The following RTN1 variants were observed in gnomAD, a reference collection of about 807,000 sequenced individuals.
RTN1 encodes reticulon 1.
Under a neutral mutation model 65.5 loss-of-function variants are expected in RTN1, and 25 were observed. That is an observed-to-expected ratio of 0.38 (90% CI 0.28 to 0.53). The LOEUF (loss-of-function observed/expected upper bound fraction) is 0.53. Among genes scored for constraint, RTN1 ranks in the 20% least tolerant of loss-of-function variants. The probability of loss-of-function intolerance (pLI) is 0.79; values close to 1 mark genes in which losing one functional copy is unlikely to be tolerated. For missense variants in RTN1, 983 were observed against 1,025.4 expected (o/e 0.96, Z 0.57); for synonymous variants, 471 against 447.6 (o/e 1.05, Z -0.66).
intron 2 of RTN1, among the ~76,000 whole-genome samples, chr14:59,741,830 T>G (rs985067980): frequency 6.6e-6 from 1 of 152,218 alleles, no homozygotes; most frequent in African/African-American, 2.4e-5. Context: ...AGCTTCTCTC[T>G]GAACTGTGGG....
chr14:59,731,698 TG>T (rs1260446560), intron 2 of RTN1, among the ~76,000 whole-genome samples: 3 of 152,224 alleles, frequency 2.0e-5, no homozygotes, highest in Non-Finnish European at 4.4e-5. Flanking sequence ...CAATCGTTTT[TG>T]AGTTCTCATC....
chr14:59,601,866 T>C (rs1881589520), intron 8 of RTN1, among the ~76,000 whole-genome samples: 1 of 152,188 alleles, frequency 6.6e-6, no homozygotes. Context: ...CCAAGTCTCA[T>C]ACTGTGCTAT....
At chr14:59,669,939 A>AT (rs986795558) in intron 3 of RTN1, among the ~76,000 whole-genome samples, 3 of 152,050 alleles carry the variant, frequency 2.0e-5, no homozygotes, top group Non-Finnish European at 4.4e-5. Flanking sequence ...TTCTGTCTCC[A>AT]TTTTTTTGCT....
chr14:59,749,414 A>C (rs1249596058), intron 1 of RTN1, among the ~76,000 whole-genome samples: 1 of 38,716 alleles, frequency 2.6e-5, no homozygotes, highest in Non-Finnish European at 3.9e-5. Context: ...CTATATCTAT[A>C]TATATCTATA....
At chr14:59,788,026 C>T (rs1441254703) in intron 1 of RTN1, among the ~76,000 whole-genome samples, 5 of 152,128 alleles carry the variant, frequency 3.3e-5, no homozygotes, top group African/African-American at 4.8e-5. Flanking sequence ...CATCTTTGAG[C>T]TCTTCACATT....
intron 5 of RTN1, 108 bp downstream of exon 5, chr14:59,605,260 A>T (rs1385682828): frequency 2.5e-6 from 3 of 1,202,720 alleles, no homozygotes; most frequent in Non-Finnish European, 3.5e-6. Context: ...ACTCTAGAAT[A>T]TAATTAGCAC....
At chr14:59,699,023 A>G (rs958556205) in intron 3 of RTN1, among the ~76,000 whole-genome samples, 5 of 152,150 alleles carry the variant, frequency 3.3e-5, no homozygotes, top group Non-Finnish European at 5.9e-5. Flanking sequence ...GCAAGAGGAA[A>G]CCCATTTGAA....
At chr14:59,863,949 G>C (rs1442747985) in intron 1 of RTN1, among the ~76,000 whole-genome samples, 2 of 151,716 alleles carry the variant, frequency 1.3e-5, no homozygotes, top group Non-Finnish European at 2.9e-5. Flanking sequence ...CTGTTACTCT[G>C]GTGCAAGCCA....
chr14:59,658,675 G>C (rs979784683), intron 3 of RTN1, among the ~76,000 whole-genome samples: 1 of 152,130 alleles, frequency 6.6e-6, no homozygotes, highest in Non-Finnish European at 1.5e-5. Context: ...AAACAGAAAA[G>C]TATAGCATCA....
chr14:59,760,415 T>G (rs1885725684), intron 1 of RTN1, among the ~76,000 whole-genome samples: 1 of 152,140 alleles, frequency 6.6e-6, no homozygotes, highest in African/African-American at 2.4e-5. Context: ...AGACCAGAAG[T>G]GGAAGGGAGA....
Position 59,723,979 on chromosome 14 carries a change from A to C in RTN1, c.1765+2940T>G, listed in dbSNP as rs79822317. Among the ~76,000 whole-genome samples, 343 of 152,366 alleles carry C rather than the reference A, an allele frequency of 2.3e-3. 8 individuals are homozygous for C. In the East Asian group the frequency reaches 0.036, roughly 16 times the overall value. ...TATCACATAACTATCCTGATTAATC[A>C]CACTGGGTATTAGTGCTTTTATGAA... On this transcript the variant is annotated intron_variant, in intron 3 of 8. Transcript: ENST00000267484.
intron 3 of RTN1, among the ~76,000 whole-genome samples, chr14:59,638,460 C>T (rs1403143528): frequency 6.6e-6 from 1 of 152,150 alleles, no homozygotes; most frequent in Non-Finnish European, 1.5e-5. Flanking sequence ...GTAGATTTAA[C>T]ATAATTCTTA....
chr14:59,665,953 G>A (rs1883362272), intron 3 of RTN1, among the ~76,000 whole-genome samples: 1 of 152,086 alleles, frequency 6.6e-6, no homozygotes, highest in South Asian at 2.1e-4. Context: ...AGTCCTTAGA[G>A]ACCTACAAAG....
chr14:59,721,160 A>G (rs1275922744), intron 3 of RTN1, among the ~76,000 whole-genome samples: 2 of 152,216 alleles, frequency 1.3e-5, no homozygotes, highest in Admixed American at 1.3e-4. Flanking sequence ...ATTCTATTTG[A>G]GAAGACCTCC....
chr14:59,775,570 TACA>T (rs890241066), intron 1 of RTN1, among the ~76,000 whole-genome samples: 20 of 152,136 alleles, frequency 1.3e-4, no homozygotes, highest in African/African-American at 4.8e-4. Context: ...ACTCAATCCT[TACA>T]ACAACCCCAT....
chr14:59,703,003 T>C (rs963233970), intron 3 of RTN1, among the ~76,000 whole-genome samples: 3 of 152,142 alleles, frequency 2.0e-5, no homozygotes, highest in African/African-American at 7.2e-5. Flanking sequence ...TTCCACCCCA[T>C]AGCTGCTTAC....
rs567181046 is a variant in RTN1 at position 59,763,531 on chromosome 14, CT to C, written c.242-17051del. Among the ~76,000 whole-genome samples, 1,176 of 127,336 alleles carry C rather than the reference CT, an allele frequency of 9.2e-3. 7 individuals carry two copies. Among genetic ancestry groups the C allele is most frequent in the East Asian group, 0.023 (100 of 4,402 alleles). 83.5% of individuals were successfully genotyped at this position (127,336 alleles called of 152,430 possible). A position where few individuals can be genotyped will look rare whatever the true frequency, so the allele number is the denominator to read the frequency against. ...TCATAACAATAACACAATTTTCTTTCTTTTTTTTTTTTTTTTTTTGAGACAG... is the reference window on the plus strand; with the variant it reads ...TCATAACAATAACACAATTTTCTTTCTTTTTTTTTTTTTTTTTTGAGACAG... On this transcript the variant is annotated intron_variant, in intron 1 of 8. Transcript: ENST00000267484.
intron 3 of RTN1, among the ~76,000 whole-genome samples, chr14:59,630,168 G>A (rs1367208380): frequency 7.4e-6 from 1 of 134,458 alleles, no homozygotes; most frequent in Non-Finnish European, 1.5e-5. Flanking sequence ...GATCCCAAAA[G>A]AACTCCCGGA....
At chr14:59,854,498 G>T (rs1887567624) in intron 1 of RTN1, among the ~76,000 whole-genome samples, 1 of 151,774 alleles carries the variant, frequency 6.6e-6, no homozygotes, top group South Asian at 2.1e-4. Context: ...AAAATTAGCT[G>T]GGTGTGGTGG....
Sources: allele counts gnomAD v4.1 joint callset (sites outside exome capture counted in the v4.1 genomes callset), GRCh38; gene constraint gnomAD v4.1.1; transcripts MANE v1.5; gene names NCBI Gene and HGNC (gene_info 2026-07-23, HGNC 2026-07-21).